The following ASAH2 variants were observed in gnomAD, a reference collection of about 807,000 sequenced individuals.
The protein encoded by ASAH2 is neutral ceramidase.
In ASAH2, 58 loss-of-function variants were observed where a neutral mutation model predicts 82.9. That is an observed-to-expected ratio of 0.70 (90% CI 0.57 to 0.87). The LOEUF (loss-of-function observed/expected upper bound fraction) is 0.87, where lower values mean the gene tolerates loss of function less well. Among genes scored for constraint, ASAH2 ranks in the 40% least tolerant of loss-of-function variants. ASAH2 has a pLI of 0.00. For missense variants in ASAH2, 779 were observed against 834.0 expected (o/e 0.93, Z 0.81); for synonymous variants, 276 against 289.7 (o/e 0.95, Z 0.48).
Position 50,233,150 on chromosome 10 carries a change from C to A in ASAH2, c.893+34G>T. The A allele has an allele frequency of 2.8e-6, 4 of 1,448,540 alleles. 1 individual carries two copies. Among genetic ancestry groups the A allele is most frequent in the Middle Eastern group, 1.7e-4 (1 of 5,728 alleles). 89.7% of individuals were successfully genotyped at this position (1,448,540 alleles called of 1,614,324 possible). ...TTCTCTTTAATTAAGAAAAGCTACC[C>A]GACAGAATTATTTTTAAAAAGGAAA... On this transcript the variant is annotated intron_variant, in intron 7 of 20. Coordinates refer to ENST00000682911, the MANE Select transcript of ASAH2 (RefSeq NM_019893.4).
At chr10:50,202,720 T>C in intron 16 of ASAH2, 109 bp downstream of exon 16, 1 of 813,750 alleles carries the variant, frequency 1.2e-6, no homozygotes, top group Non-Finnish European at 2.2e-6. Context: ...TGAAACATAA[T>C]CATCTCTCAG....
intron 1 of ASAH2, among the ~76,000 whole-genome samples, chr10:50,250,124 G>A (rs1259841254): frequency 1.3e-5 from 2 of 152,118 alleles, no homozygotes; most frequent in Non-Finnish European, 2.9e-5. Context: ...CAGCATTCCC[G>A]TGTGCCAAGA....
intron 4 of ASAH2, chr10:50,240,542 G>A (rs951440701): frequency 4.3e-6 from 3 of 702,114 alleles, no homozygotes; most frequent in Admixed American, 2.0e-5. Flanking sequence ...ATTTCTCAGA[G>A]TCCATATCAC....
At chr10:50,250,175 G>T (rs905353014) in intron 1 of ASAH2, among the ~76,000 whole-genome samples, 1 of 152,082 alleles carries the variant, frequency 6.6e-6, no homozygotes, top group African/African-American at 2.4e-5. Flanking sequence ...TTAGATGGGG[G>T]ATATATTCTT....
At chr10:50,228,021 G>C (rs905316551) in intron 7 of ASAH2, among the ~76,000 whole-genome samples, 1 of 152,094 alleles carries the variant, frequency 6.6e-6, no homozygotes, top group Non-Finnish European at 1.5e-5. Context: ...TTCAGTGAAA[G>C]ATATAGAAAA....
At position 50,218,600 on chromosome 10, in the gene ASAH2, G is replaced by T. The variant is rs1430044795; in HGVS notation, c.924C>A (p.Asn308Lys). 5.6e-6 allele frequency: 9 copies of T among 1,613,688 alleles called. No homozygotes were observed. Among genetic ancestry groups the T allele is most frequent in the African/African-American group, 1.3e-5 (1 of 74,902 alleles). Residue 308 changes from asparagine to lysine, a missense_variant, in exon 8 of 21, where the codon AAC becomes AAA. Around this residue, in one of 3 missense-constraint regions of ASAH2, gnomAD observed 759 missense variants for 755.2 expected, o/e 1.00. Transcript: ENST00000682911. The stretch of plus-strand genomic sequence containing the variant: ...CACTGTTTACAAGATGGTTACTGTT[G>T]TTCATGCTGACCGGGTGGATGGCAA... ...SWFAIHPVSMNNSNHLVNSDN... is the reference protein window; with the variant it reads ...SWFAIHPVSMKNSNHLVNSDN...
At chr10:50,224,795 A>AACCC (rs1183032173) in intron 7 of ASAH2, among the ~76,000 whole-genome samples, 1 of 152,124 alleles carries the variant, frequency 6.6e-6, no homozygotes, top group Admixed American at 6.6e-5. Context: ...ACCCACTGCA[A>AACCC]ACTGTTTGGA....
At chr10:50,206,281 T>C (rs1233660797) in intron 12 of ASAH2, among the ~76,000 whole-genome samples, 184 bp from the exon 13 acceptor site, 2 of 152,024 alleles carry the variant, frequency 1.3e-5, no homozygotes, top group East Asian at 3.9e-4. Flanking sequence ...TCCTAAGACA[T>C]GAGCCATTGT....
At chr10:50,251,050 A>G (rs1846600411) in intron 1 of ASAH2, among the ~76,000 whole-genome samples, 1 of 152,242 alleles carries the variant, frequency 6.6e-6, no homozygotes, top group African/African-American at 2.4e-5. Flanking sequence ...ATGTTAAAGC[A>G]GATGCCTTCC....
intron 7 of ASAH2, among the ~76,000 whole-genome samples, chr10:50,224,696 C>T (rs1179940233): frequency 6.6e-6 from 1 of 152,196 alleles, no homozygotes; most frequent in Non-Finnish European, 1.5e-5. Context: ...TGTTAAGCCA[C>T]TGGAATTTCA....
intron 18 of ASAH2, among the ~76,000 whole-genome samples, chr10:50,193,387 G>A (rs1205540129): frequency 1.3e-5 from 2 of 150,082 alleles, no homozygotes; most frequent in African/African-American, 4.9e-5. Context: ...ACAGTCTTGA[G>A]TTTATAGCAC....
chr10:50,203,229 A>G (rs1310390934), intron 15 of ASAH2, among the ~76,000 whole-genome samples: 1 of 152,004 alleles, frequency 6.6e-6, no homozygotes, highest in Non-Finnish European at 1.5e-5. Flanking sequence ...AAGTAACAAG[A>G]CATTTTTGAC....
chr10:50,198,658 T>C (rs1845056432), intron 17 of ASAH2, among the ~76,000 whole-genome samples: 1 of 152,034 alleles, frequency 6.6e-6, no homozygotes, highest in South Asian at 2.1e-4. Context: ...TGGCAAGGAT[T>C]AGAGAACACA....
intron 7 of ASAH2, 21 bp from the exon 8 acceptor site, chr10:50,218,651 C>G: frequency 6.2e-7 from 1 of 1,613,640 alleles, no homozygotes; most frequent in Non-Finnish European, 8.5e-7. Context: ...GCAAGAAGCT[C>G]TAAATTAATC....
chr10:50,240,469 C>A, intron 4 of ASAH2: 1 of 702,186 alleles, frequency 1.4e-6, no homozygotes, highest in Non-Finnish European at 2.6e-6. Flanking sequence ...CCATATCAAA[C>A]ATCCCTACCT....
intron 4 of ASAH2, 124 bp from the exon 5 acceptor site, chr10:50,236,188 C>A (rs1395224162): frequency 3.4e-6 from 3 of 872,082 alleles, no homozygotes; most frequent in Non-Finnish European, 3.8e-6. Context: ...CATTCTCATG[C>A]TGCTAATAAA....
intron 4 of ASAH2, among the ~76,000 whole-genome samples, chr10:50,236,317 C>G (rs1243980811): frequency 6.6e-6 from 1 of 152,092 alleles, no homozygotes; most frequent in Non-Finnish European, 1.5e-5. Flanking sequence ...CAAATATGTC[C>G]TCCTTCACAT....
chr10:50,196,543 T>C (rs1844989128), intron 18 of ASAH2, among the ~76,000 whole-genome samples: 2 of 148,104 alleles, frequency 1.4e-5, no homozygotes, highest in Non-Finnish European at 3.0e-5. Context: ...TCCATGATCA[T>C]TCACTTAAGA....
In ASAH2 at chr10:50,244,399, A is replaced by T. The variant is rs543094150; in HGVS notation, c.360+823T>A. On this transcript the variant is annotated intron_variant, in intron 3 of 20. Coordinates refer to ENST00000682911, the MANE Select transcript of ASAH2 (RefSeq NM_019893.4). ...CCCAGGTCTTTAGAATGCCCCCTCTACTGTTTGCATTACCCCTCCTGGGAG... is the reference window on the plus strand; with the variant it reads ...CCCAGGTCTTTAGAATGCCCCCTCTTCTGTTTGCATTACCCCTCCTGGGAG... Among the ~76,000 whole-genome samples, 7 of 152,280 alleles carry T rather than the reference A, an allele frequency of 4.6e-5. No individual in the cohort carries two copies. The East Asian group carries it at 1.2e-3, about 25-fold the overall frequency.
Sources: gnomAD v4.1 joint callset for allele counts (sites outside exome capture counted in the v4.1 genomes callset) on GRCh38, gnomAD v4.1.1 for gene constraint, gnomAD v4.1.1 regional missense constraint, MANE v1.5 for transcripts, NCBI Gene and HGNC (gene_info 2026-07-23, HGNC 2026-07-21) for gene names.